Variants in FREM2 observed in about 807,000 individuals in gnomAD.
FREM2 encodes FRAS1-related extracellular matrix protein 2.
Under a neutral mutation model 219.9 loss-of-function variants are expected in FREM2, and 119 were observed. That is an observed-to-expected ratio of 0.54 (90% CI 0.47 to 0.63). The LOEUF is 0.63. Ranked by LOEUF, FREM2 falls within the 30% of genes least tolerant of loss-of-function variation. The probability of loss-of-function intolerance (pLI) is 0.00; values close to 1 mark genes in which losing one functional copy is unlikely to be tolerated. For synonymous variants in FREM2, 1,562 were observed against 1,522.8 expected (o/e 1.03, Z -0.60); for missense variants, 4,030 against 3,993.6 (o/e 1.01, Z -0.25).
Position 38,792,371 on chromosome 13 carries a change from C to G in FREM2, c.6019+7563C>G, listed in dbSNP as rs571735084. ...TCAAAAAATATATTTTAAAAAAGTC[C>G]CTTCAATTTTTCCATGAATCAAAAT... is the stretch of plus-strand genomic sequence containing the variant. On this transcript the variant is annotated intron_variant, in intron 6 of 23. Transcript: ENST00000280481. Among the ~76,000 whole-genome samples, 4 of 152,054 alleles carry G rather than the reference C, an allele frequency of 2.6e-5. No homozygotes were observed. In the South Asian group the frequency reaches 8.3e-4, roughly 32 times the overall value.
chr13:38,860,745 C>T lies in FREM2; in HGVS notation c.7520-686C>T, dbSNP rs182967239. ...TCCTTTCATGATGTTCAAATAGAAA[C>T]CCCACTATTTTCCTAAAGGAAATAC... On this transcript the variant is annotated intron_variant, in intron 14 of 23. Coordinates refer to ENST00000280481, the MANE Select transcript of FREM2 (RefSeq NM_207361.6). Among the ~76,000 whole-genome samples the T allele has an allele frequency of 3.7e-3, 557 of 152,258 alleles. 4 individuals carry two copies. Among genetic ancestry groups the T allele is most frequent in the African/African-American group, 0.013 (520 of 41,544 alleles).
rs1479337241 is a variant in FREM2 at position 38,880,841 on chromosome 13, T to TG, written c.*56dup. On this transcript the variant is annotated 3_prime_UTR_variant, in exon 24 of 24. Coordinates refer to ENST00000280481, the MANE Select transcript of FREM2 (RefSeq NM_207361.6). ...GTAAGTGCCTCGGAAAAGATCACAA[T>TG]GGAACCTTAAATACTTCTGGTAAAC... 1.3e-6 allele frequency: 2 copies of TG among 1,594,732 alleles called. No homozygotes were observed. The highest frequency in any genetic ancestry group is 1.3e-5 in the African/African-American group (1 of 74,524).
At chr13:38,771,428 G>T (rs530596498) in intron 4 of FREM2, among the ~76,000 whole-genome samples, 2 of 151,988 alleles carry the variant, frequency 1.3e-5, no homozygotes, top group Non-Finnish European at 2.9e-5. Flanking sequence ...TACAATTGCC[G>T]TATTACCTGA....
chr13:38,805,371 G>A (rs950534157), intron 6 of FREM2, among the ~76,000 whole-genome samples: 5 of 151,872 alleles, frequency 3.3e-5, no homozygotes, highest in East Asian at 2.0e-4. Flanking sequence ...AAGATTGTGC[G>A]TGGAAGCTCC....
At chr13:38,806,417 G>A (rs1338085251) in intron 6 of FREM2, among the ~76,000 whole-genome samples, 4 of 151,930 alleles carry the variant, frequency 2.6e-5, no homozygotes, top group African/African-American at 9.7e-5. Flanking sequence ...CAGAGATGTT[G>A]AGAGTTTGGT....
At chr13:38,700,048 A>G (rs534048544) in intron 2 of FREM2, among the ~76,000 whole-genome samples, 2 of 152,246 alleles carry the variant, frequency 1.3e-5, no homozygotes, top group East Asian at 3.9e-4. Context: ...AATCTGATAA[A>G]TGCATCTTCT....
chr13:38,701,238 G>A (rs1831778330), intron 2 of FREM2, among the ~76,000 whole-genome samples: 1 of 152,122 alleles, frequency 6.6e-6, no homozygotes, highest in Admixed American at 6.6e-5. Context: ...TTCTGGGCCA[G>A]TCAACATACA....
chr13:38,688,427 T>G lies in FREM2; in HGVS notation c.1083T>G (p.Ser361=), dbSNP rs772224384. ...ACCTGTTGATCTTCAACCTTACTTC[T>G]CCATTCCAGCCTGGCCAGGGCTACT... ...PSDLLIFNLT[S]PFQPGQGYLV... is the part of the protein sequence containing the mutation. Residue 361 remains serine, a synonymous_variant, in exon 1 of 24, where the codon TCT becomes TCG. Transcript: ENST00000280481. 1 of 1,613,964 alleles carries G rather than the reference T, an allele frequency of 6.2e-7. No individual in the cohort carries two copies. Among genetic ancestry groups the G allele is most frequent in the East Asian group, 2.2e-5 (1 of 44,852 alleles).
At chr13:38,781,714 G>A (rs1039075118) in intron 4 of FREM2, among the ~76,000 whole-genome samples, 1 of 152,174 alleles carries the variant, frequency 6.6e-6, no homozygotes, top group Non-Finnish European at 1.5e-5. Context: ...CTGAAAATGA[G>A]TAATTTAAAA....
intron 6 of FREM2, among the ~76,000 whole-genome samples, chr13:38,796,879 T>C (rs988896030): frequency 6.6e-6 from 1 of 152,078 alleles, no homozygotes. Flanking sequence ...GTTTCTGTTT[T>C]TGTTTTGTTT....
chr13:38,832,151 CT>C (rs1265989185), intron 6 of FREM2, among the ~76,000 whole-genome samples: 1 of 151,740 alleles, frequency 6.6e-6, no homozygotes, highest in Non-Finnish European at 1.5e-5. Context: ...CCCGTCTCTA[CT>C]AAAAATACAA....
intron 2 of FREM2, among the ~76,000 whole-genome samples, chr13:38,716,256 GTTTTCCTGTGGTCTGT>G (rs1336456029): frequency 3.9e-5 from 6 of 152,094 alleles, no homozygotes; most frequent in Non-Finnish European, 8.8e-5. Flanking sequence ...GACTTTCACT[GTTTTCCTGTGGTCTGT>G]CCCACTACCA....
In FREM2 at chr13:38,688,504, A is replaced by G; in HGVS notation, c.1160A>G (p.Asp387Gly). 1 of 1,613,886 alleles carries G rather than the reference A, an allele frequency of 6.2e-7. No individual in the cohort carries two copies. The highest frequency in any genetic ancestry group is 8.5e-7 in the Non-Finnish European group (1 of 1,179,968). Residue 387 changes from aspartate to glycine, a missense_variant, in exon 1 of 24, where the codon GAT (aspartate) becomes GGT (glycine). Physicochemically the swap from Asp to Gly is moderately conservative, Grantham distance 94 (BLOSUM62 -1). Around this residue, in one of 2 missense-constraint regions of FREM2, gnomAD observed 3,102 missense variants for 2,950.7 expected, o/e 1.05. Transcript: ENST00000280481. ...SLPLSSFTQR[D>G]LRLLKIAYQP... ...CCCCTTTCCTCCTTCACTCAGAGGG[A>G]TCTGCGGCTCCTGAAGATTGCCTAC... is the stretch of plus-strand genomic sequence containing the variant.
At chr13:38,798,880 A>C (rs1874898202) in intron 6 of FREM2, among the ~76,000 whole-genome samples, 1 of 151,948 alleles carries the variant, frequency 6.6e-6, no homozygotes, top group South Asian at 2.1e-4. Flanking sequence ...TAGTATATCT[A>C]GAGGTTTATC....
In FREM2 at chr13:38,691,874, A is replaced by G. The variant is rs139470655; in HGVS notation, c.4530A>G (p.Gln1510=). The G allele has an allele frequency of 3.4e-4, 549 of 1,614,146 alleles. No individual in the cohort carries two copies. The highest frequency in any genetic ancestry group is 4.5e-4 in the Non-Finnish European group (526 of 1,180,042). The part of the protein sequence containing the change: ...DEVKMDSFEF[Q]VTDGRNPVFR... ...TGAAAATGGACAGTTTTGAGTTTCAAGTCACCGATGGACGTAACCCTGTCT... is the reference window on the plus strand; with the variant it reads ...TGAAAATGGACAGTTTTGAGTTTCAGGTCACCGATGGACGTAACCCTGTCT... The change falls in exon 1 of 24, where the codon CAA becomes CAG. Residue 1510 remains glutamine, a synonymous_variant. Transcript: ENST00000280481.
chr13:38,850,480 A>G (rs1306132478), intron 9 of FREM2, among the ~76,000 whole-genome samples: 1 of 152,214 alleles, frequency 6.6e-6, no homozygotes, highest in Non-Finnish European at 1.5e-5. Context: ...TCAGTGGACA[A>G]AAGCATATCA....
chr13:38,826,412 A>G (rs1876289342), intron 6 of FREM2, among the ~76,000 whole-genome samples: 2 of 152,144 alleles, frequency 1.3e-5, no homozygotes, highest in African/African-American at 4.8e-5. Context: ...CAACAACGCA[A>G]GGAAGCAATG....
intron 6 of FREM2, among the ~76,000 whole-genome samples, chr13:38,797,458 T>C (rs1874837249): frequency 6.6e-6 from 1 of 152,104 alleles, no homozygotes; most frequent in African/African-American, 2.4e-5. Flanking sequence ...TTTGTATTTT[T>C]TTAAAAAATT....
At chr13:38,879,059 T>A in intron 23 of FREM2, 82 bp downstream of exon 23, 1 of 1,245,716 alleles carries the variant, frequency 8.0e-7, no homozygotes, top group African/African-American at 1.5e-5. Flanking sequence ...AGATGTCTCA[T>A]ATGTAAATAG....
Sources: gnomAD v4.1 joint callset for allele counts (sites outside exome capture counted in the v4.1 genomes callset) on GRCh38, gnomAD v4.1.1 for gene constraint, gnomAD v4.1.1 regional missense constraint, MANE v1.5 for transcripts, NCBI Gene and HGNC (gene_info 2026-07-23, HGNC 2026-07-21) for gene names.